Variants in MRPS28 observed in about 807,000 individuals in gnomAD.
MRPS28 encodes the protein mitochondrial ribosomal protein S28, also known as small ribosomal subunit protein bS1m.
MRPS28 carries 7 observed loss-of-function variants against 10.8 expected under a neutral mutation model. The observed-to-expected ratio is 0.65, with a 90% CI of 0.37 to 1.22. The LOEUF (loss-of-function observed/expected upper bound fraction) is 1.22. Ranked by LOEUF, MRPS28 falls within the 50% of genes most tolerant of loss-of-function variation. The pLI is 0.02. For synonymous variants in MRPS28, 121 were observed against 93.3 expected (o/e 1.30, Z -1.71); for missense variants, 265 against 232.9 (o/e 1.14, Z -0.90).
rs377201885 is a variant in MRPS28 at position 79,944,701 on chromosome 8, C to T, written c.396-25553G>A. 1.1e-3 allele frequency among the ~76,000 whole-genome samples: 156 copies of T among 137,614 alleles called. 2 individuals are homozygous for T. Among genetic ancestry groups the T allele is most frequent in the Non-Finnish European group, 1.8e-3 (114 of 65,132 alleles). 90.3% of individuals were successfully genotyped at this position (137,614 alleles called of 152,430 possible). On this transcript the variant is annotated intron_variant, in intron 2 of 2. Coordinates refer to ENST00000276585, the MANE Select transcript of MRPS28 (RefSeq NM_014018.3). ...GCCATAATTTTTCTTTTTCTTTTTT[C>T]TTTTTTTTTTTTGAGACAAGGTCTC...
chr8:79,936,855 A>AT (rs1454903515), intron 2 of MRPS28, among the ~76,000 whole-genome samples: 1 of 151,912 alleles, frequency 6.6e-6, no homozygotes, highest in African/African-American at 2.4e-5. Flanking sequence ...TCTTAGTTTT[A>AT]TTTTTTTGTT....
chr8:79,952,406 G>GT (rs1330717702), intron 2 of MRPS28, among the ~76,000 whole-genome samples: 1 of 152,152 alleles, frequency 6.6e-6, no homozygotes, highest in Non-Finnish European at 1.5e-5. Context: ...TAAGTGAAGA[G>GT]TAAGAACAAA....
intron 1 of MRPS28, among the ~76,000 whole-genome samples, chr8:80,005,686 T>G (rs570789400): frequency 6.6e-6 from 1 of 152,286 alleles, no homozygotes; most frequent in Admixed American, 6.5e-5. Context: ...AGACACAGAC[T>G]GGCAAATTGG....
intron 2 of MRPS28, among the ~76,000 whole-genome samples, chr8:79,937,475 A>T (rs553414800): frequency 6.6e-6 from 1 of 152,286 alleles, no homozygotes; most frequent in South Asian, 2.1e-4. Context: ...TTTCATGAAG[A>T]TATAGCTATA....
At chr8:80,021,924 C>T (rs900148238) in intron 1 of MRPS28, among the ~76,000 whole-genome samples, 2 of 152,174 alleles carry the variant, frequency 1.3e-5, no homozygotes, top group Non-Finnish European at 2.9e-5. Context: ...AGGAAATTGA[C>T]ATTGACACAA....
At chr8:80,008,295 T>A (rs1315366195) in intron 1 of MRPS28, among the ~76,000 whole-genome samples, 1 of 152,182 alleles carries the variant, frequency 6.6e-6, no homozygotes, top group African/African-American at 2.4e-5. Context: ...AAGACTTAAA[T>A]GTTAGACCTA....
intron 2 of MRPS28, among the ~76,000 whole-genome samples, chr8:79,956,253 C>T (rs763560073): frequency 1.2e-4 from 18 of 151,944 alleles, no homozygotes; most frequent in Admixed American, 3.3e-4. Flanking sequence ...GAAATAAATA[C>T]TCCTTTTTGA....
At chr8:79,928,908 T>C (rs1806382728) in intron 2 of MRPS28, among the ~76,000 whole-genome samples, 1 of 151,982 alleles carries the variant, frequency 6.6e-6, no homozygotes, top group African/African-American at 2.4e-5. Context: ...TAGCTGGGCG[T>C]GGTGGCGCAT....
chr8:79,943,705 G>A (rs950872376), intron 2 of MRPS28, among the ~76,000 whole-genome samples: 1 of 152,146 alleles, frequency 6.6e-6, no homozygotes, highest in Non-Finnish European at 1.5e-5. Context: ...GAGTGTTTCT[G>A]TTTCAATAAA....
chr8:79,922,431 T>C (rs1168341316), intron 2 of MRPS28, among the ~76,000 whole-genome samples: 2 of 152,176 alleles, frequency 1.3e-5, no homozygotes, highest in Non-Finnish European at 2.9e-5. Context: ...GACAATAATA[T>C]GTTGTAGACC....
At chr8:79,930,108 A>G (rs1806423044) in intron 2 of MRPS28, among the ~76,000 whole-genome samples, 1 of 152,230 alleles carries the variant, frequency 6.6e-6, no homozygotes, top group African/African-American at 2.4e-5. Context: ...AAAGATATCC[A>G]TTATGCATAA....
At chr8:80,003,219 AC>A in intron 1 of MRPS28, 39 bp from the exon 2 acceptor site, 1 of 1,349,560 alleles carries the variant, frequency 7.4e-7, no homozygotes, top group Non-Finnish European at 9.8e-7. Flanking sequence ...ATATAACTCA[AC>A]ATGAAGGTAT....
chr8:80,011,406 T>G (rs534188192), intron 1 of MRPS28, among the ~76,000 whole-genome samples: 1,289 of 71,022 alleles, frequency 0.018, 26 homozygotes, highest in African/African-American at 0.068. Flanking sequence ...TCGCTTTGGC[T>G]ATTTTTTTTT....
intron 1 of MRPS28, among the ~76,000 whole-genome samples, chr8:80,009,384 C>A (rs1808962419): frequency 6.6e-6 from 1 of 151,512 alleles, no homozygotes; most frequent in Non-Finnish European, 1.5e-5. Flanking sequence ...ATGTAACAAA[C>A]CTGCACATTG....
chr8:79,991,942 CTCTCTCTCTCT>C (rs1563536385), intron 2 of MRPS28, among the ~76,000 whole-genome samples: 1 of 78,396 alleles, frequency 1.3e-5, no homozygotes, highest in Non-Finnish European at 3.4e-5. Context: ...CTCTCTCTCT[CTCTCTCTCTCT>C]CTCTCTCATC....
At chr8:79,989,795 TCTAC>T (rs1162451305) in intron 2 of MRPS28, among the ~76,000 whole-genome samples, 1 of 152,170 alleles carries the variant, frequency 6.6e-6, no homozygotes, top group African/African-American at 2.4e-5. Context: ...CAATCCCAGG[TCTAC>T]TGTTATTCCA....
chr8:79,927,259 G>T (rs1236687386), intron 2 of MRPS28, among the ~76,000 whole-genome samples: 1 of 152,188 alleles, frequency 6.6e-6, no homozygotes, highest in Non-Finnish European at 1.5e-5. Flanking sequence ...ATGACCAAAA[G>T]ACGTAAGATT....
intron 2 of MRPS28, among the ~76,000 whole-genome samples, chr8:79,947,862 C>G (rs1258973151): frequency 6.6e-6 from 1 of 151,536 alleles, no homozygotes; most frequent in Admixed American, 6.6e-5. Context: ...TGGTCTTGAT[C>G]TCCTGACCTC....
intron 2 of MRPS28, among the ~76,000 whole-genome samples, chr8:79,991,142 T>C (rs571201687): frequency 3.7e-4 from 56 of 152,188 alleles, no homozygotes; most frequent in African/African-American, 1.3e-3. Flanking sequence ...AGGAGGAAGG[T>C]TGTAATGAAG....
Sources: allele counts gnomAD v4.1 joint callset (sites outside exome capture counted in the v4.1 genomes callset), GRCh38; gene constraint gnomAD v4.1.1; transcripts MANE v1.5; gene names NCBI Gene and HGNC (gene_info 2026-07-23, HGNC 2026-07-21).